The following PRKAR2A variants were observed in gnomAD, a reference collection of about 807,000 sequenced individuals.
PRKAR2A encodes protein kinase cAMP-dependent type II regulatory subunit alpha.
PRKAR2A carries 29 observed loss-of-function variants against 51.9 expected under a neutral mutation model. The observed-to-expected ratio is 0.56, with a 90% CI of 0.42 to 0.76. PRKAR2A has a LOEUF of 0.76. Among genes scored for constraint, PRKAR2A ranks in the 30% least tolerant of loss-of-function variants. The pLI is 0.00. For synonymous variants in PRKAR2A, 178 were observed against 186.2 expected, an observed-to-expected ratio of 0.96 and a Z score of 0.36; for missense variants, 445 against 512.1, an observed-to-expected ratio of 0.87 and a Z score of 1.26.
At chr3:48,829,871 A>ATATATATATT (rs1297832658) in intron 1 of PRKAR2A, among the ~76,000 whole-genome samples, 9 of 87,728 alleles carry the variant, frequency 1.0e-4, no homozygotes, top group South Asian at 3.7e-4. Context: ...ATATATATAT[A>ATATATATATT]TTTTTTTTTT....
At chr3:48,781,751 T>C (rs1012789489) in intron 5 of PRKAR2A, among the ~76,000 whole-genome samples, 2 of 151,896 alleles carry the variant, frequency 1.3e-5, no homozygotes, top group Non-Finnish European at 2.9e-5. Flanking sequence ...GACCTCGTGA[T>C]CTGCCCGCCT....
intron 8 of PRKAR2A, among the ~76,000 whole-genome samples, chr3:48,764,620 T>C (rs1017304903): frequency 2.0e-5 from 3 of 151,970 alleles, no homozygotes; most frequent in African/African-American, 7.2e-5. Flanking sequence ...TGGGAGAACA[T>C]AGAAGGTTTT....
intron 1 of PRKAR2A, among the ~76,000 whole-genome samples, chr3:48,813,913 C>T (rs2082825351): frequency 6.6e-6 from 1 of 151,990 alleles, no homozygotes; most frequent in African/African-American, 2.4e-5. Flanking sequence ...CACCTGAGGT[C>T]AGGAGTTCAA....
intron 1 of PRKAR2A, among the ~76,000 whole-genome samples, chr3:48,811,642 G>A (rs2082771901): frequency 6.6e-6 from 1 of 152,190 alleles, no homozygotes; most frequent in African/African-American, 2.4e-5. Context: ...GCCAGGAGAT[G>A]AAAGGAGGGG....
chr3:48,779,293 C>G (rs1052592698), intron 5 of PRKAR2A, among the ~76,000 whole-genome samples: 1 of 152,010 alleles, frequency 6.6e-6, no homozygotes, highest in African/African-American at 2.4e-5. Context: ...AAAGAATAAC[C>G]CCTTTTGTTT....
In PRKAR2A at chr3:48,835,226, C is replaced by T. The variant is rs1053757441; in HGVS notation, c.262+12109G>A. 4.1e-4 allele frequency among the ~76,000 whole-genome samples: 63 copies of T among 152,036 alleles called. 1 individual carries two copies. Among genetic ancestry groups the T allele is most frequent in the Non-Finnish European group, 7.9e-4 (54 of 67,964 alleles). On this transcript the variant is annotated intron_variant, in intron 1 of 10. Transcript: ENST00000265563. ...TCTCAAGTGATCTGCCTGCCTCGGC[C>T]GCCCGAAGTGCTGGGATTACAGGCG...
chr3:48,762,290 G>T (rs1337917956), intron 8 of PRKAR2A, among the ~76,000 whole-genome samples: 1 of 152,142 alleles, frequency 6.6e-6, no homozygotes, highest in Non-Finnish European at 1.5e-5. Context: ...CTATTTATTG[G>T]TGAGAATGCA....
At chr3:48,787,913 C>G (rs1429437467) in intron 4 of PRKAR2A, among the ~76,000 whole-genome samples, 1 of 152,218 alleles carries the variant, frequency 6.6e-6, no homozygotes, top group African/African-American at 2.4e-5. Flanking sequence ...TTGGTAGGAG[C>G]TGGGTAACAG....
chr3:48,751,500 C>A lies in PRKAR2A; in HGVS notation c.*85G>T. On this transcript the variant is annotated 3_prime_UTR_variant, in exon 11 of 11. Coordinates refer to ENST00000265563, the MANE Select transcript of PRKAR2A (RefSeq NM_004157.4). ...AGTGGCGGCAACGGCAGGAACAGTT[C>A]TGTCATGTCTGTTTTCTGTATGTGT... 1 of 1,568,736 alleles carries A rather than the reference C, an allele frequency of 6.4e-7. No homozygotes were observed. The highest frequency in any genetic ancestry group is 8.7e-7 in the Non-Finnish European group (1 of 1,148,398).
Position 48,783,053 on chromosome 3 carries a change from TC to T in PRKAR2A, c.474del (p.Ile159Ter). ...ATGACATGCTCATCAGCTTTGACTA[TC>T]CTTTCAAACATGGCATCGAGAACTT... Reference protein sequence around the residue: ...LSQVLDAMFERIVKADEHVID... With the variant: ...LSQVLDAMFEXIVKADEHVID... On this transcript the variant is annotated frameshift_variant, in exon 5 of 11. Coordinates refer to ENST00000265563, the MANE Select transcript of PRKAR2A (RefSeq NM_004157.4). LOFTEE classifies it high-confidence loss of function. 1 of 1,613,876 alleles carries T rather than the reference TC, an allele frequency of 6.2e-7. No individual in the cohort carries two copies. Among genetic ancestry groups the T allele is most frequent in the Non-Finnish European group, 8.5e-7 (1 of 1,179,970 alleles).
chr3:48,800,678 CTTTTT>C (rs11349697), intron 2 of PRKAR2A, among the ~76,000 whole-genome samples: 1 of 150,372 alleles, frequency 6.7e-6, no homozygotes, highest in Non-Finnish European at 1.5e-5. Flanking sequence ...CTTTTCTTTT[CTTTTT>C]TTTTTGAGAC....
intron 8 of PRKAR2A, among the ~76,000 whole-genome samples, chr3:48,758,322 T>C (rs2081806479): frequency 6.7e-6 from 1 of 150,288 alleles, no homozygotes; most frequent in African/African-American, 2.4e-5. Flanking sequence ...CTCATGCCTA[T>C]AATCCTAGCA....
At chr3:48,781,905 C>G (rs1249782819) in intron 5 of PRKAR2A, among the ~76,000 whole-genome samples, 1 of 152,166 alleles carries the variant, frequency 6.6e-6, no homozygotes, top group Non-Finnish European at 1.5e-5. Flanking sequence ...CTCGGCCTCT[C>G]AAAGTGCTAG....
chr3:48,780,283 A>G (rs530438531), intron 5 of PRKAR2A, among the ~76,000 whole-genome samples: 1 of 152,112 alleles, frequency 6.6e-6, no homozygotes, highest in African/African-American at 2.4e-5. Flanking sequence ...TGTCATCTTT[A>G]CCCTAAATCA....
At chr3:48,757,842 G>C (rs555264552) in intron 8 of PRKAR2A, among the ~76,000 whole-genome samples, 1 of 151,932 alleles carries the variant, frequency 6.6e-6, no homozygotes, top group African/African-American at 2.4e-5. Flanking sequence ...GATCACCTGA[G>C]GTCAGGAGTT....
chr3:48,754,500 C>T (rs753416491), intron 9 of PRKAR2A, among the ~76,000 whole-genome samples: 3 of 151,848 alleles, frequency 2.0e-5, no homozygotes, highest in African/African-American at 7.3e-5. Context: ...ACATGGGCGC[C>T]GGTGGCTCAT....
At chr3:48,832,310 A>AC (rs1413323109) in intron 1 of PRKAR2A, among the ~76,000 whole-genome samples, 1 of 149,938 alleles carries the variant, frequency 6.7e-6, no homozygotes, top group Non-Finnish European at 1.5e-5. Flanking sequence ...AAAAAAAAAA[A>AC]CAAAAAAAAA....
At chr3:48,746,353 TAA>T (rs34195938), downstream of PRKAR2A, among the ~76,000 whole-genome samples, 347 of 68,292 alleles carry the variant, frequency 5.1e-3, 2 homozygotes, top group East Asian at 0.018. Flanking sequence ...ATCCTGTCAC[TAA>T]AAAAAAAAAA....
chr3:48,831,568 G>A (rs550306128), intron 1 of PRKAR2A, among the ~76,000 whole-genome samples: 103 of 151,688 alleles, frequency 6.8e-4, no homozygotes, highest in Non-Finnish European at 1.1e-3. Flanking sequence ...TTGCTATGTC[G>A]CCCAGGCTGG....
Sources: allele counts gnomAD v4.1 joint callset (sites outside exome capture counted in the v4.1 genomes callset), GRCh38; gene constraint gnomAD v4.1.1; transcripts MANE v1.5; gene names NCBI Gene and HGNC (gene_info 2026-07-23, HGNC 2026-07-21).